Variants in EXD3 observed in about 807,000 individuals in gnomAD.
EXD3 encodes exonuclease mut-7 homolog.
A neutral mutation model predicts 98.0 loss-of-function variants in EXD3; 92 were observed. That is an observed-to-expected ratio of 0.94 (90% confidence interval 0.79 to 1.12). The LOEUF is 1.12. Among genes scored for constraint, EXD3 ranks in the 50% most tolerant of loss-of-function variants. The pLI, the probability that EXD3 is intolerant of heterozygous loss-of-function variation, is 0.00. For synonymous variants in EXD3, 569 were observed against 526.0 expected (o/e 1.08, Z -1.12); for missense variants, 1,222 against 1,191.6 (o/e 1.03, Z -0.38).
rs1004922214 is a variant in EXD3, at chr9:137,393,529, G to A, written c.55+1774C>T. Among the ~76,000 whole-genome samples the A allele has an allele frequency of 3.9e-5, 6 of 152,176 alleles. No individual in the cohort carries two copies. Among genetic ancestry groups the A allele is most frequent in the Admixed American group, 6.5e-5 (1 of 15,282 alleles). On this transcript the variant is annotated intron_variant, in intron 2 of 21. Transcript: ENST00000340951. This position sits in a 1 kb window ranked among gnomAD's most constrained non-coding sequence, Gnocchi z 4.6. Reference sequence around the variant, plus strand: ...CCCAGCTCAGAGGTGGCCCCTCCCCGAGCACACGCTGACCTGGCTACATCA... The same window carrying A: ...CCCAGCTCAGAGGTGGCCCCTCCCCAAGCACACGCTGACCTGGCTACATCA...
chr9:137,415,471 G>C (rs968001606), intron 1 of EXD3, among the ~76,000 whole-genome samples: 5 of 152,322 alleles, frequency 3.3e-5, no homozygotes, highest in Admixed American at 2.6e-4. Flanking sequence ...TGGGATTACA[G>C]GCAGGAGCCA....
intron 17 of EXD3, among the ~76,000 whole-genome samples, chr9:137,340,549 G>C (rs761547806): frequency 4.6e-5 from 7 of 150,982 alleles, no homozygotes; most frequent in Non-Finnish European, 8.9e-5. Flanking sequence ...TTTTTTTAAT[G>C]AGGTCTTGCT....
chr9:137,323,954 C>T (rs908084078), intron 18 of EXD3, 98 bp from the exon 19 acceptor site: 169 of 1,527,880 alleles, frequency 1.1e-4, no homozygotes, highest in Middle Eastern at 3.5e-4. Flanking sequence ...AGCCTTCTCT[C>T]GGCCCACCAG....
rs1832720687 is a variant in EXD3 at position 137,328,961 on chromosome 9, G to GCTACACGGGAA, written c.1999-4819_1999-4818insTTCCCGTGTAG. ...ACGGGGCTACACGGGGCTACACGGG[G>GCTACACGGGAA]CTACACGGGAGCTACACGGGACTAC... On this transcript the variant is annotated intron_variant, in intron 17 of 21. Coordinates refer to ENST00000340951, the MANE Select transcript of EXD3 (RefSeq NM_017820.5). Among the ~76,000 whole-genome samples the GCTACACGGGAA allele has an allele frequency of 5.8e-4, 6 of 10,364 alleles. 2 individuals are homozygous for GCTACACGGGAA. Among genetic ancestry groups the GCTACACGGGAA allele is most frequent in the Non-Finnish European group, 1.1e-3 (6 of 5,356 alleles). 6.8% of individuals were successfully genotyped at this position (10,364 alleles called of 152,430 possible). A position where few individuals can be genotyped will look rare whatever the true frequency, so the allele number is the denominator to read the frequency against.
At chr9:137,311,454 C>T (rs1024716063) in intron 19 of EXD3, among the ~76,000 whole-genome samples, 2 of 152,266 alleles carry the variant, frequency 1.3e-5, no homozygotes, top group Admixed American at 6.5e-5. Flanking sequence ...GGCGAGGCTG[C>T]AGCAGTGCGG....
intron 17 of EXD3, among the ~76,000 whole-genome samples, chr9:137,339,784 G>A (rs1247190856): frequency 6.6e-6 from 1 of 152,150 alleles, no homozygotes; most frequent in African/African-American, 2.4e-5. Flanking sequence ...AGAATATTGA[G>A]CAACCACCTT....
chr9:137,319,476 C>A (rs1317422459), intron 19 of EXD3, among the ~76,000 whole-genome samples: 1 of 152,232 alleles, frequency 6.6e-6, no homozygotes, highest in Non-Finnish European at 1.5e-5. Flanking sequence ...AGGCCAAGCT[C>A]CCAGGGTTCA....
chr9:137,308,397 T>G (rs1831166725), intron 20 of EXD3, among the ~76,000 whole-genome samples: 1 of 152,132 alleles, frequency 6.6e-6, no homozygotes, highest in Non-Finnish European at 1.5e-5. Context: ...CCTCCCTGGC[T>G]GGCCCCAGCT....
At chr9:137,309,441 C>G (rs111811828) in intron 20 of EXD3, among the ~76,000 whole-genome samples, 166 bp downstream of exon 20, 22 of 152,258 alleles carry the variant, frequency 1.4e-4, no homozygotes, top group Middle Eastern at 3.4e-3. Context: ...GTGGTTTTTC[C>G]ACCTGTTGTC....
chr9:137,313,169 C>G lies in EXD3; in HGVS notation c.2185-3469G>C, dbSNP rs1160363827. ...TTGAGGGAAAGAGGAGGGCGAGACA[C>G]GAGCCCTGGGACCTGCCAGGGCCAC... is the stretch of plus-strand genomic sequence containing the variant. On this transcript the variant is annotated intron_variant, in intron 19 of 21. Coordinates refer to ENST00000340951, the MANE Select transcript of EXD3 (RefSeq NM_017820.5). Among the ~76,000 whole-genome samples the G allele has an allele frequency of 3.9e-5, 6 of 152,266 alleles. No individual in the cohort carries two copies. In the East Asian group the frequency reaches 1.2e-3, roughly 29 times the overall value.
Position 137,348,060 on chromosome 9 carries a change from C to T in EXD3, c.1998+11G>A, listed in dbSNP as rs367634582. ...CTTGGGAGGACCCCAAGACCCTCCC[C>T]GCAAACTCACCTCGGCCGCCCTGCG... On this transcript the variant is annotated intron_variant, in intron 17 of 21. Transcript: ENST00000340951. 141 of 1,607,742 alleles carry T rather than the reference C, an allele frequency of 8.8e-5. 1 individual carries two copies. In the East Asian group the frequency reaches 2.1e-3, roughly 24 times the overall value.
chr9:137,389,643 G>A (rs1050924049), intron 2 of EXD3, among the ~76,000 whole-genome samples: 19 of 152,106 alleles, frequency 1.2e-4, no homozygotes, highest in African/African-American at 4.8e-5. Flanking sequence ...TGGGACGCTC[G>A]GAGCGAGAGG....
At position 137,324,090 on chromosome 9, in the gene EXD3, C is replaced by G; in HGVS notation, c.2052G>C (p.Lys684Asn). ...IILTSGQPFH[K>N]LRAQVGAGRC... ...CTGAGCTTATCTTTGGGACACTCAC[C>G]TTGTGGAATGGCTGCCCCGACGTCA... The change falls in exon 18 of 22, where the codon AAG becomes AAC. Residue 684 changes from lysine to asparagine, a missense_variant and splice_region_variant. Coordinates refer to ENST00000340951, the MANE Select transcript of EXD3 (RefSeq NM_017820.5). This position sits in a 1 kb window ranked among gnomAD's most constrained non-coding sequence, Gnocchi z 4.1. The G allele has an allele frequency of 6.3e-7, 1 of 1,586,980 alleles. No individual in the cohort carries two copies.
At chr9:137,325,864 T>TAG (rs535756489) in intron 17 of EXD3, among the ~76,000 whole-genome samples, 4 of 151,284 alleles carry the variant, frequency 2.6e-5, no homozygotes, top group Non-Finnish European at 5.9e-5. Context: ...CTGCGATGGG[T>TAG]AGATTGCTTG....
At chr9:137,318,071 G>A (rs1231071019) in intron 19 of EXD3, among the ~76,000 whole-genome samples, 2 of 152,158 alleles carry the variant, frequency 1.3e-5, no homozygotes, top group African/African-American at 4.8e-5. Flanking sequence ...CCAGGCCCAC[G>A]GCAGGAATGG....
chr9:137,355,509 AG>A (rs1174024631), intron 8 of EXD3, among the ~76,000 whole-genome samples: 6 of 123,914 alleles, frequency 4.8e-5, no homozygotes, highest in African/African-American at 1.7e-4. Context: ...AGGAGGAAGG[AG>A]GAAGGAGGAA....
intron 6 of EXD3, chr9:137,367,705 A>C: frequency 4.0e-6 from 2 of 502,914 alleles, no homozygotes; most frequent in Non-Finnish European, 7.2e-6. Context: ...TCAGGGCTTC[A>C]GGGGACAGCT....
chr9:137,306,944 C>A lies in EXD3; in HGVS notation c.*6G>T. 6.4e-7 allele frequency: 1 copy of A among 1,554,958 alleles called. No homozygotes were observed. The highest frequency in any genetic ancestry group is 1.9e-5 in the Admixed American group (1 of 53,280). ...GGCACTTTCCATGTTTATTGTCTGGCTGTCCTCAGAAGGGACTGCTGGCCG... is the reference window on the plus strand; with the variant it reads ...GGCACTTTCCATGTTTATTGTCTGGATGTCCTCAGAAGGGACTGCTGGCCG... On this transcript the variant is annotated 3_prime_UTR_variant, in exon 22 of 22. Transcript: ENST00000340951.
At chr9:137,358,557 C>A (rs553063486) in intron 7 of EXD3, among the ~76,000 whole-genome samples, 4 of 152,328 alleles carry the variant, frequency 2.6e-5, no homozygotes, top group Non-Finnish European at 4.4e-5. Flanking sequence ...GGACATCTGT[C>A]TTCCGGGTTC....
Sources: allele counts gnomAD v4.1 joint callset (sites outside exome capture counted in the v4.1 genomes callset), GRCh38; gene constraint gnomAD v4.1.1; non-coding constraint Gnocchi (gnomAD v3.1); transcripts MANE v1.5; gene names NCBI Gene and HGNC (gene_info 2026-07-23, HGNC 2026-07-21).